The following CDH19 variants were observed in gnomAD, a reference collection of about 807,000 sequenced individuals.
The protein encoded by CDH19 is cadherin-19.
Under a neutral mutation model 64.2 loss-of-function variants are expected in CDH19, and 67 were observed. That is an observed-to-expected ratio of 1.04 (90% CI 0.86 to 1.28). The LOEUF (loss-of-function observed/expected upper bound fraction) is 1.28, where lower values mean the gene tolerates loss of function less well. CDH19 is among the 50% of genes most tolerant of loss of function. The pLI is 0.00. For missense variants in CDH19, 1,030 were observed against 929.0 expected (o/e 1.11, Z -1.41); for synonymous variants, 346 against 319.3 (o/e 1.08, Z -0.89).
At chr18:66,582,410 T>C (rs1988449418) in intron 1 of CDH19, among the ~76,000 whole-genome samples, 1 of 151,982 alleles carries the variant, frequency 6.6e-6, no homozygotes, top group Non-Finnish European at 1.5e-5. Context: ...TAAAAAGACT[T>C]TGAAATGGCT....
intron 1 of CDH19, among the ~76,000 whole-genome samples, chr18:66,573,462 G>A (rs1043656416): frequency 6.6e-6 from 1 of 151,482 alleles, no homozygotes; most frequent in East Asian, 1.9e-4. Context: ...CTTGTTAAAA[G>A]TTTACTTAAT....
intron 3 of CDH19, 75 bp from the exon 4 acceptor site, chr18:66,554,599 T>A: frequency 3.3e-6 from 4 of 1,227,034 alleles, no homozygotes; most frequent in Non-Finnish European, 4.5e-6. Flanking sequence ...AAGCGGTCTT[T>A]CTTTACCAAG....
chr18:66,584,714 A>G (rs1988525059), intron 1 of CDH19, among the ~76,000 whole-genome samples: 1 of 152,122 alleles, frequency 6.6e-6, no homozygotes, highest in Admixed American at 6.6e-5. Flanking sequence ...AATATTATGC[A>G]GTCTGATTTT....
intron 9 of CDH19, among the ~76,000 whole-genome samples, chr18:66,527,274 T>G (rs1048231166): frequency 2.0e-5 from 3 of 152,004 alleles, no homozygotes; most frequent in Non-Finnish European, 2.9e-5. Context: ...TTTTTCATAT[T>G]TACAAAACAT....
chr18:66,566,411 C>T (rs2144563930), intron 3 of CDH19, among the ~76,000 whole-genome samples: 1 of 150,530 alleles, frequency 6.6e-6, no homozygotes, highest in African/African-American at 2.4e-5. Flanking sequence ...TCTTAAAAAA[C>T]AATTGAATAG....
At chr18:66,567,946 C>T (rs1987967253) in intron 3 of CDH19, among the ~76,000 whole-genome samples, 1 of 151,696 alleles carries the variant, frequency 6.6e-6, no homozygotes, top group Non-Finnish European at 1.5e-5. Flanking sequence ...AACACAGCCA[C>T]ACACAGGTGT....
chr18:66,530,604 A>T (rs1397988966), intron 8 of CDH19, among the ~76,000 whole-genome samples: 1 of 152,026 alleles, frequency 6.6e-6, no homozygotes, highest in Non-Finnish European at 1.5e-5. Context: ...TCCAAAAAAC[A>T]TAATGAGAGA....
At chr18:66,569,189 A>C (rs1988021308) in intron 2 of CDH19, among the ~76,000 whole-genome samples, 1 of 151,112 alleles carries the variant, frequency 6.6e-6, no homozygotes, top group African/African-American at 2.4e-5. Context: ...CATAAAGATA[A>C]TGATAATCTT....
intron 1 of CDH19, among the ~76,000 whole-genome samples, chr18:66,599,869 T>A (rs2054446090): frequency 6.6e-6 from 1 of 151,844 alleles, no homozygotes; most frequent in Admixed American, 6.6e-5. Flanking sequence ...AACAGAAGTG[T>A]TTTGAGTTTT....
intron 1 of CDH19, among the ~76,000 whole-genome samples, chr18:66,572,908 T>C (rs547237176): frequency 4.7e-4 from 72 of 151,784 alleles, no homozygotes; most frequent in African/African-American, 1.6e-3. Flanking sequence ...TTCAAAGATA[T>C]GGGGAAGAAG....
At chr18:66,578,898 G>A (rs1244707583) in intron 1 of CDH19, among the ~76,000 whole-genome samples, 1 of 151,896 alleles carries the variant, frequency 6.6e-6, no homozygotes, top group Non-Finnish European at 1.5e-5. Context: ...TTCAGGTTGT[G>A]TGTTTCCTTT....
intron 1 of CDH19, among the ~76,000 whole-genome samples, chr18:66,594,524 T>A (rs1243908650): frequency 2.6e-5 from 4 of 151,928 alleles, no homozygotes; most frequent in Admixed American, 2.6e-4. Context: ...CATAAAGCAA[T>A]TCTCAACATG....
Position 66,603,757 on chromosome 18 carries a change from G to C in CDH19, c.-113+197C>G, listed in dbSNP as rs905665468. 2.0e-5 allele frequency among the ~76,000 whole-genome samples: 3 copies of C among 152,104 alleles called. No homozygotes were observed. The East Asian group carries it at 5.8e-4, about 29-fold the overall frequency. ...TGGAGAACTGTTCTCACAAATACGTGTTTTGAGAAAGTTCAGTACAAGTAC... is the reference window on the plus strand; with the variant it reads ...TGGAGAACTGTTCTCACAAATACGTCTTTTGAGAAAGTTCAGTACAAGTAC... On this transcript the variant is annotated intron_variant, in intron 1 of 11. Transcript: ENST00000262150.
At position 66,535,149 on chromosome 18, in the gene CDH19, C is replaced by G. The variant is rs188020759; in HGVS notation, c.1215-42G>C. On this transcript the variant is annotated intron_variant, in intron 7 of 11. Transcript: ENST00000262150. ...GTATACCTTAATATTTTTATTCTATCTGCATAACAGTGTTAGATAATACTC... is the reference window on the plus strand; with the variant it reads ...GTATACCTTAATATTTTTATTCTATGTGCATAACAGTGTTAGATAATACTC... 2.2e-4 allele frequency: 285 copies of G among 1,275,500 alleles called. 4 individuals carry two copies. The East Asian group carries it at 7.0e-3, about 32-fold the overall frequency. 79.0% of individuals were successfully genotyped at this position (1,275,500 alleles called of 1,614,324 possible). A position where few individuals can be genotyped will look rare whatever the true frequency, so the allele number is the denominator to read the frequency against.
intron 11 of CDH19, among the ~76,000 whole-genome samples, chr18:66,506,705 G>A (rs1318828262): frequency 6.6e-6 from 1 of 151,640 alleles, no homozygotes; most frequent in East Asian, 1.9e-4. Context: ...TTGCGTGTGG[G>A]TATCAAGGAT....
At chr18:66,575,306 C>T (rs1374927975) in intron 1 of CDH19, among the ~76,000 whole-genome samples, 1 of 151,568 alleles carries the variant, frequency 6.6e-6, no homozygotes, top group Non-Finnish European at 1.5e-5. Flanking sequence ...AAGGTTTCAC[C>T]CACTTTACTC....
At chr18:66,528,617 C>A (rs572447246) in intron 9 of CDH19, among the ~76,000 whole-genome samples, 6 of 147,300 alleles carry the variant, frequency 4.1e-5, no homozygotes, top group East Asian at 3.9e-4. Flanking sequence ...AAATCACATT[C>A]AAAAATACAC....
At chr18:66,518,701 T>A (rs1985847176) in intron 9 of CDH19, among the ~76,000 whole-genome samples, 1 of 152,186 alleles carries the variant, frequency 6.6e-6, no homozygotes, top group African/African-American at 2.4e-5. Flanking sequence ...TTAAATAACA[T>A]GAAAATTAAC....
intron 9 of CDH19, among the ~76,000 whole-genome samples, chr18:66,518,297 G>A (rs1268202604): frequency 3.3e-5 from 5 of 151,874 alleles, no homozygotes; most frequent in Non-Finnish European, 7.4e-5. Context: ...GCAACGGTGC[G>A]ATCTCGGCTC....
Sources: gnomAD v4.1 joint callset for allele counts (sites outside exome capture counted in the v4.1 genomes callset) on GRCh38, gnomAD v4.1.1 for gene constraint, MANE v1.5 for transcripts, NCBI Gene and HGNC (gene_info 2026-07-23, HGNC 2026-07-21) for gene names.